Variants in C14orf132 observed in about 807,000 individuals in gnomAD.
The protein encoded by C14orf132 is chromosome 14 open reading frame 132.
A neutral mutation model predicts 5.8 loss-of-function variants in C14orf132; 6 were observed. The observed-to-expected ratio is 1.03, with a 90% CI of 0.57 to 2.04. The LOEUF (loss-of-function observed/expected upper bound fraction) is 2.04, where lower values mean the gene tolerates loss of function less well. C14orf132 is among the 30% of genes most tolerant of loss of function. The probability of loss-of-function intolerance (pLI) is 0.00; values close to 1 mark genes in which losing one functional copy is unlikely to be tolerated. For missense variants in C14orf132, 125 were observed against 115.8 expected (o/e 1.08, Z -0.37); for synonymous variants, 51 against 49.8 (o/e 1.02, Z -0.10).
At chr14:96,062,917 A>G (rs1192957727) in intron 1 of C14orf132, among the ~76,000 whole-genome samples, 2 of 152,270 alleles carry the variant, frequency 1.3e-5, no homozygotes, top group South Asian at 2.1e-4. Flanking sequence ...ATTTTGCCCA[A>G]ACAAGCCACT....
At chr14:96,041,134 C>T (rs114223393) in intron 1 of C14orf132, among the ~76,000 whole-genome samples, 2 of 152,268 alleles carry the variant, frequency 1.3e-5, no homozygotes, top group African/African-American at 4.8e-5. Context: ...TTCTCCTTGA[C>T]ACATTTTTGA....
intron 1 of C14orf132, among the ~76,000 whole-genome samples, chr14:96,051,594 C>T (rs1887027953): frequency 6.6e-6 from 1 of 152,166 alleles, no homozygotes; most frequent in Non-Finnish European, 1.5e-5. Context: ...TTGAGGGACA[C>T]CTGAGGGGGG....
chr14:96,081,536 A>C (rs930832634), intron 1 of C14orf132, among the ~76,000 whole-genome samples: 3 of 152,218 alleles, frequency 2.0e-5, no homozygotes, highest in Non-Finnish European at 4.4e-5. Context: ...ACTGTGGAAG[A>C]GCCCTGCCTT....
chr14:96,086,933 A>G lies in C14orf132; in HGVS notation c.*198A>G, dbSNP rs1315546822. ...AAGCTGAGTCAGAAGACATGGAAGT[A>G]TGGGCCTCCTGCCCCTAGAGGCATG... On this transcript the variant is annotated 3_prime_UTR_variant, in exon 2 of 2. Transcript: ENST00000555004. 13 of 622,542 alleles carry G rather than the reference A, an allele frequency of 2.1e-5. No homozygotes were observed. In the African/African-American group the frequency reaches 2.4e-4, roughly 11 times the overall value. The allele number at this position is 622,542 out of a possible 1,614,324, so 38.6% of individuals were successfully genotyped here.
chr14:96,084,283 CG>C (rs942803948), intron 1 of C14orf132, among the ~76,000 whole-genome samples: 5 of 152,046 alleles, frequency 3.3e-5, no homozygotes, highest in African/African-American at 4.8e-5. Context: ...GCAGGGGTCG[CG>C]GGGGGATGTG....
chr14:96,049,611 C>G (rs56129563), intron 1 of C14orf132, among the ~76,000 whole-genome samples: 1 of 89,148 alleles, frequency 1.1e-5, no homozygotes, highest in Non-Finnish European at 2.4e-5. Flanking sequence ...TATATATATA[C>G]ATATATACGT....
At chr14:96,058,514 C>T (rs1887247616) in intron 1 of C14orf132, among the ~76,000 whole-genome samples, 1 of 152,108 alleles carries the variant, frequency 6.6e-6, no homozygotes, top group Admixed American at 6.5e-5. Context: ...AATCCTTCAC[C>T]CATGCTGAGA....
chr14:96,082,506 A>G (rs202093562), intron 1 of C14orf132, among the ~76,000 whole-genome samples: 3 of 147,730 alleles, frequency 2.0e-5, no homozygotes, highest in Non-Finnish European at 4.4e-5. Context: ...TTTTACAAAG[A>G]AAAAAAATAT....
At chr14:96,047,890 C>T (rs1337749807) in intron 1 of C14orf132, among the ~76,000 whole-genome samples, 1 of 152,120 alleles carries the variant, frequency 6.6e-6, no homozygotes, top group Non-Finnish European at 1.5e-5. Context: ...GTCGACACAT[C>T]AGAATCCTCC....
At chr14:96,079,386 T>C (rs1452667436) in intron 1 of C14orf132, among the ~76,000 whole-genome samples, 1 of 152,240 alleles carries the variant, frequency 6.6e-6, no homozygotes, top group Non-Finnish European at 1.5e-5. Context: ...CAACCTGTGT[T>C]GCCTCTTTCT....
chr14:96,059,097 A>G (rs1389572792), intron 1 of C14orf132, among the ~76,000 whole-genome samples: 1 of 152,216 alleles, frequency 6.6e-6, no homozygotes. Flanking sequence ...CTCTGTCTCT[A>G]CAAAAACTAC....
chr14:96,064,460 ATG>A (rs1183941434), intron 1 of C14orf132, among the ~76,000 whole-genome samples: 33 of 151,264 alleles, frequency 2.2e-4, no homozygotes, highest in African/African-American at 7.8e-4. Flanking sequence ...GTGTATATGT[ATG>A]TATATATATA....
intron 1 of C14orf132, among the ~76,000 whole-genome samples, chr14:96,074,955 T>G (rs1037930396): frequency 6.6e-6 from 1 of 152,206 alleles, no homozygotes; most frequent in Non-Finnish European, 1.5e-5. Flanking sequence ...TGACAAACAT[T>G]CCTGCTGGGA....
At chr14:96,042,830 C>T (rs144049861) in intron 1 of C14orf132, among the ~76,000 whole-genome samples, 2 of 152,308 alleles carry the variant, frequency 1.3e-5, no homozygotes, top group East Asian at 3.9e-4. Context: ...ACACCCCAGC[C>T]CCACTCCACA....
In C14orf132 at chr14:96,039,540, C is replaced by T. The variant is rs987857766; in HGVS notation, c.27+13C>T. 10 of 1,492,360 alleles carry T rather than the reference C, an allele frequency of 6.7e-6. No individual in the cohort carries two copies. The highest frequency in any genetic ancestry group is 7.1e-6 in the Non-Finnish European group (8 of 1,122,650). 92.4% of individuals were successfully genotyped at this position (1,492,360 alleles called of 1,614,324 possible). On this transcript the variant is annotated intron_variant, in intron 1 of 1. Coordinates refer to ENST00000555004, the MANE Select transcript of C14orf132 (RefSeq NM_001252507.3). This position sits in a 1 kb window ranked among gnomAD's most constrained non-coding sequence, Gnocchi z 5.3. The stretch of plus-strand genomic sequence containing the variant: ...TATGGCCGCGCAGGTAACGGGGCGT[C>T]CCCCCCACGCGCCCCGGGCCGCCAA...
chr14:96,063,391 G>A (rs1182140504), intron 1 of C14orf132, among the ~76,000 whole-genome samples: 1 of 152,054 alleles, frequency 6.6e-6, no homozygotes, highest in Non-Finnish European at 1.5e-5. Context: ...TCACTGTAAC[G>A]TCTGTCTCCT....
chr14:96,069,031 C>T (rs1302863343), intron 1 of C14orf132, among the ~76,000 whole-genome samples: 3 of 151,692 alleles, frequency 2.0e-5, no homozygotes, highest in Admixed American at 6.6e-5. Flanking sequence ...CCCCTCAGCT[C>T]CTCTGGTTCT....
At chr14:96,063,704 A>G (rs1887430813) in intron 1 of C14orf132, among the ~76,000 whole-genome samples, 1 of 152,152 alleles carries the variant, frequency 6.6e-6, no homozygotes, top group Admixed American at 6.5e-5. Flanking sequence ...ATGCAATAAA[A>G]ACAAAGATAA....
intron 1 of C14orf132, among the ~76,000 whole-genome samples, chr14:96,046,016 A>G (rs1886824287): frequency 6.6e-6 from 1 of 152,100 alleles, no homozygotes; most frequent in South Asian, 2.1e-4. Context: ...TCTTCAGGTG[A>G]CTTGGGCTTC....
Sources: gnomAD v4.1 joint callset for allele counts (sites outside exome capture counted in the v4.1 genomes callset) on GRCh38, gnomAD v4.1.1 for gene constraint, Gnocchi (gnomAD v3.1) non-coding constraint, MANE v1.5 for transcripts, NCBI Gene and HGNC (gene_info 2026-07-23, HGNC 2026-07-21) for gene names.